L3MBTL4: variants seen among roughly 807,000 people sequenced by gnomAD.
L3MBTL4 encodes the protein L3MBTL histone methyl-lysine binding protein 4.
In L3MBTL4, 70 loss-of-function variants were observed where a neutral mutation model predicts 84.5. The observed-to-expected ratio is 0.83, with a 90% confidence interval of 0.68 to 1.01. L3MBTL4 has a LOEUF of 1.01. Ranked by LOEUF, L3MBTL4 falls within the 50% of genes least tolerant of loss-of-function variation. The probability of loss-of-function intolerance (pLI) is 0.00; values close to 1 mark genes in which losing one functional copy is unlikely to be tolerated. For missense variants in L3MBTL4, 715 were observed against 754.8 expected (o/e 0.95, Z 0.62); for synonymous variants, 274 against 259.8 (o/e 1.05, Z -0.52).
intron 13 of L3MBTL4, among the ~76,000 whole-genome samples, chr18:6,152,023 C>T: frequency 6.6e-6 from 1 of 152,168 alleles, no homozygotes. Context: ...TAGCATAAAG[C>T]ACTCCAGTTT....
intron 4 of L3MBTL4, among the ~76,000 whole-genome samples, chr18:6,296,767 G>A (rs2050124886): frequency 6.6e-6 from 1 of 152,074 alleles, no homozygotes; most frequent in Admixed American, 6.5e-5. Flanking sequence ...GGGAAAAGAG[G>A]GTATAGAAAG....
chr18:6,365,664 C>T (rs2053904238), intron 1 of L3MBTL4, among the ~76,000 whole-genome samples: 1 of 152,170 alleles, frequency 6.6e-6, no homozygotes, highest in Non-Finnish European at 1.5e-5. Context: ...AAAGAAAGAA[C>T]AAAATCCAGG....
intron 12 of L3MBTL4, among the ~76,000 whole-genome samples, chr18:6,201,579 A>C (rs984288651): frequency 6.6e-6 from 1 of 152,212 alleles, no homozygotes; most frequent in African/African-American, 2.4e-5. Context: ...ATTTTGGCTC[A>C]CTCGGAAATT....
chr18:6,022,446 C>T (rs2055315282), intron 16 of L3MBTL4, among the ~76,000 whole-genome samples: 1 of 152,184 alleles, frequency 6.6e-6, no homozygotes, highest in Non-Finnish European at 1.5e-5. Context: ...ATTTTTTCAA[C>T]AACACAAATC....
chr18:6,239,107 C>T (rs1215160998), intron 9 of L3MBTL4, among the ~76,000 whole-genome samples: 4 of 151,804 alleles, frequency 2.6e-5, no homozygotes, highest in African/African-American at 7.3e-5. Flanking sequence ...TTTGGGAGGC[C>T]GAGGCGGGCG....
At chr18:6,039,321 A>T (rs1187358883) in intron 16 of L3MBTL4, among the ~76,000 whole-genome samples, 1 of 151,856 alleles carries the variant, frequency 6.6e-6, no homozygotes, top group Non-Finnish European at 1.5e-5. Context: ...AAAATAAGAA[A>T]ATTTTCTCTG....
chr18:6,355,062 G>C lies in L3MBTL4; in HGVS notation c.-90-43006C>G, dbSNP rs1229567161. On this transcript the variant is annotated intron_variant, in intron 1 of 18. Transcript: ENST00000317931. ...GTCCATCAGGAGATGAACAGATAAA[G>C]TAAATGTGGTACTTATACACAGTGG... 2.6e-5 allele frequency among the ~76,000 whole-genome samples: 4 copies of C among 152,156 alleles called. No homozygotes were observed. The East Asian group carries it at 7.7e-4, about 29-fold the overall frequency.
At chr18:6,386,658 GA>G (rs2054831898) in intron 1 of L3MBTL4, among the ~76,000 whole-genome samples, 1 of 152,158 alleles carries the variant, frequency 6.6e-6, no homozygotes, top group East Asian at 1.9e-4. Context: ...CCTGTGTGAA[GA>G]GTGTTCCCAG....
At chr18:6,275,547 T>C (rs545569675) in intron 4 of L3MBTL4, among the ~76,000 whole-genome samples, 24 of 152,218 alleles carry the variant, frequency 1.6e-4, no homozygotes, top group Admixed American at 1.4e-3. Flanking sequence ...GAATGTGTGC[T>C]GATGCAGGCA....
intron 1 of L3MBTL4, among the ~76,000 whole-genome samples, chr18:6,362,297 A>G (rs1479900753): frequency 6.6e-6 from 1 of 151,996 alleles, no homozygotes; most frequent in African/African-American, 2.4e-5. Flanking sequence ...AGAGAAAGAA[A>G]GAGGAAGAGG....
intron 15 of L3MBTL4, among the ~76,000 whole-genome samples, chr18:6,087,123 G>A (rs1298112074): frequency 6.6e-6 from 1 of 152,200 alleles, no homozygotes; most frequent in African/African-American, 2.4e-5. Context: ...GTTTGGAACA[G>A]TATTTTCTAA....
chr18:6,153,769 T>G (rs1329744314), intron 13 of L3MBTL4, among the ~76,000 whole-genome samples: 1 of 152,188 alleles, frequency 6.6e-6, no homozygotes, highest in African/African-American at 2.4e-5. Flanking sequence ...GTTTTATAAA[T>G]GACAGTTTTC....
At chr18:6,331,759 CA>C (rs2052045369) in intron 1 of L3MBTL4, among the ~76,000 whole-genome samples, 2 of 151,912 alleles carry the variant, frequency 1.3e-5, no homozygotes, top group African/African-American at 4.8e-5. Flanking sequence ...ATGCATAATA[CA>C]GTATGAAAGC....
rs968715003 is a variant in L3MBTL4, at chr18:5,954,918, AGTTT to A, written c.*1298_*1301del. On this transcript the variant is annotated 3_prime_UTR_variant, in exon 19 of 19. Transcript: ENST00000317931. The stretch of plus-strand genomic sequence containing the variant: ...AATGTTATATATGCACACCTCTTAG[AGTTT>A]GTTTATTTTCTTCAGTGAAAAAAAA... 9 of 152,146 alleles carry A rather than the reference AGTTT, an allele frequency of 5.9e-5. No homozygotes were observed. Among genetic ancestry groups the A allele is most frequent in the Non-Finnish European group, 1.0e-4 (7 of 68,022 alleles). 9.4% of individuals were successfully genotyped at this position (152,146 alleles called of 1,614,324 possible).
intron 4 of L3MBTL4, among the ~76,000 whole-genome samples, chr18:6,268,985 A>G (rs1271454939): frequency 6.6e-6 from 1 of 152,196 alleles, no homozygotes; most frequent in Non-Finnish European, 1.5e-5. Context: ...TCTGTATGTA[A>G]ACAAAATCCC....
intron 16 of L3MBTL4, among the ~76,000 whole-genome samples, chr18:6,016,652 A>C (rs545338197): frequency 6.6e-6 from 1 of 152,216 alleles, no homozygotes; most frequent in East Asian, 1.9e-4. Context: ...CTGAGTCTCC[A>C]AAGTCTATTA....
At chr18:6,134,197 C>A (rs1435265810) in intron 14 of L3MBTL4, among the ~76,000 whole-genome samples, 1 of 152,112 alleles carries the variant, frequency 6.6e-6, no homozygotes, top group African/African-American at 2.4e-5. Flanking sequence ...TTCACTATCA[C>A]AAGAATAGCA....
chr18:6,298,302 A>G (rs895040846), intron 4 of L3MBTL4, among the ~76,000 whole-genome samples: 9 of 152,100 alleles, frequency 5.9e-5, no homozygotes, highest in African/African-American at 2.2e-4. Flanking sequence ...TAATATATTC[A>G]TTTTTAGCCA....
chr18:6,309,049 T>C (rs1720970895), intron 3 of L3MBTL4, among the ~76,000 whole-genome samples: 1 of 152,212 alleles, frequency 6.6e-6, no homozygotes, highest in Non-Finnish European at 1.5e-5. Context: ...ATGAAATTAC[T>C]CTCTCAGAAG....
Sources: allele counts gnomAD v4.1 joint callset (sites outside exome capture counted in the v4.1 genomes callset), GRCh38; gene constraint gnomAD v4.1.1; transcripts MANE v1.5; gene names NCBI Gene and HGNC (gene_info 2026-07-23, HGNC 2026-07-21).